MTAP: variants seen among roughly 807,000 people sequenced by gnomAD.
MTAP encodes the protein S-methyl-5'-thioadenosine phosphorylase.
MTAP carries 33 observed loss-of-function variants against 33.6 expected under a neutral mutation model. That is an observed-to-expected ratio of 0.98 (90% CI 0.74 to 1.31). The LOEUF (loss-of-function observed/expected upper bound fraction) is 1.31. MTAP is among the 40% of genes most tolerant of loss of function. MTAP has a pLI of 0.00. For synonymous variants in MTAP, 148 were observed against 125.7 expected (o/e 1.18, Z -1.19); for missense variants, 367 against 360.0 (o/e 1.02, Z -0.16).
chr9:21,874,038 A>T (rs1691170506), intron 1 of MTAP, among the ~76,000 whole-genome samples: 1 of 152,198 alleles, frequency 6.6e-6, no homozygotes, highest in African/African-American at 2.4e-5. Context: ...GAATGTGATG[A>T]TGTGTTCATT....
chr9:21,906,335 T>TG (rs1818476135), intron 1 of MTAP, among the ~76,000 whole-genome samples: 1 of 151,206 alleles, frequency 6.6e-6, no homozygotes, highest in African/African-American at 2.5e-5. Context: ...ATTGAAGACG[T>TG]GAAAAAAAAC....
intron 5 of MTAP, among the ~76,000 whole-genome samples, chr9:21,852,482 C>T (rs569430769): frequency 2.2e-5 from 3 of 139,422 alleles, no homozygotes; most frequent in African/African-American, 5.7e-5. Flanking sequence ...TGCATTCCAG[C>T]GTGGGCGACA....
chr9:21,864,263 GC>G lies in MTAP; in HGVS notation c.*2251del, dbSNP rs1392754531. 2.4e-5 allele frequency: 24 copies of G among 985,136 alleles called. No individual in the cohort carries two copies. Among genetic ancestry groups the G allele is most frequent in the Non-Finnish European group, 2.9e-5 (24 of 829,916 alleles). 61.0% of individuals were successfully genotyped at this position (985,136 alleles called of 1,614,324 possible). A position where few individuals can be genotyped will look rare whatever the true frequency, so the allele number is the denominator to read the frequency against. On this transcript the variant is annotated 3_prime_UTR_variant, in exon 8 of 8. Coordinates refer to ENST00000644715, the MANE Select transcript of MTAP (RefSeq NM_002451.4). ...CTCAATCATTCACTCCTTATGCAAA[GC>G]CAATATAATTTTCCTCATACCTTAT... is the stretch of plus-strand genomic sequence containing the variant.
chr9:21,845,132 T>G (rs1332403168), intron 5 of MTAP, among the ~76,000 whole-genome samples: 1 of 151,838 alleles, frequency 6.6e-6, no homozygotes, highest in Non-Finnish European at 1.5e-5. Context: ...CAAGACAAGA[T>G]TCCCACTTTC....
chr9:21,898,504 A>G (rs1818335664), intron 1 of MTAP, among the ~76,000 whole-genome samples: 1 of 152,250 alleles, frequency 6.6e-6, no homozygotes, highest in African/African-American at 2.4e-5. Context: ...GCTAATATCC[A>G]GAATCTACAA....
At position 21,865,439 on chromosome 9, in the gene MTAP, T is replaced by TA. The variant is rs1825837920; in HGVS notation, c.*3426dup. 2 of 985,262 alleles carry TA rather than the reference T, an allele frequency of 2.0e-6. No individual in the cohort carries two copies. Among genetic ancestry groups the TA allele is most frequent in the South Asian group, 4.7e-5 (1 of 21,294 alleles). 61.0% of individuals were successfully genotyped at this position (985,262 alleles called of 1,614,324 possible). A position where few individuals can be genotyped will look rare whatever the true frequency, so the allele number is the denominator to read the frequency against. ...TTACAGCAGCATGAGAATGGACTAA[T>TA]ACACTCCTCAAATGTTTTGAAGATT... is the stretch of plus-strand genomic sequence containing the variant. On this transcript the variant is annotated 3_prime_UTR_variant, in exon 8 of 8. Transcript: ENST00000644715.
chr9:21,823,134 G>A (rs1824689722), intron 4 of MTAP, among the ~76,000 whole-genome samples: 1 of 152,106 alleles, frequency 6.6e-6, no homozygotes, highest in East Asian at 1.9e-4. Flanking sequence ...TTACATTTAA[G>A]GTTAATATTG....
chr9:21,861,903 G>GGT, intron 7 of MTAP, 73 bp from the exon 8 acceptor site: 1 of 748,246 alleles, frequency 1.3e-6, no homozygotes, highest in South Asian at 1.8e-5. Context: ...ATCAAAATCT[G>GGT]TTTTTTTTTT....
At chr9:21,933,532 A>G (rs529342087), downstream of MTAP, 1 of 152,090 alleles carries the variant, frequency 6.6e-6, no homozygotes, top group Non-Finnish European at 1.5e-5. Context: ...TGCAAATGCC[A>G]GGGAGATTAC....
intron 1 of MTAP, among the ~76,000 whole-genome samples, chr9:21,882,093 C>T (rs914699277): frequency 9.2e-5 from 14 of 151,700 alleles, no homozygotes; most frequent in Non-Finnish European, 1.6e-4. Context: ...AAATGTAGTA[C>T]AAAATAAAAT....
intron 6 of MTAP, 107 bp downstream of exon 6, chr9:21,854,977 C>G: frequency 4.2e-6 from 6 of 1,438,628 alleles, no homozygotes; most frequent in Non-Finnish European, 5.6e-6. Flanking sequence ...TGCCTTTCTA[C>G]AAGGTTTTGA....
At chr9:21,937,646 C>A (rs1488481519) in exon 8 of MTAP, 1 of 152,102 alleles carries the variant, frequency 6.6e-6, no homozygotes, top group Non-Finnish European at 1.5e-5. Flanking sequence ...TCTCTATTTG[C>A]CTTTGAAACC....
At chr9:21,808,094 A>G (rs1824252886) in intron 1 of MTAP, among the ~76,000 whole-genome samples, 1 of 152,264 alleles carries the variant, frequency 6.6e-6, no homozygotes, top group Admixed American at 6.5e-5. Flanking sequence ...CCAGTGAATC[A>G]GAAACTCTGG....
At chr9:21,846,411 C>G (rs1825382856) in intron 5 of MTAP, among the ~76,000 whole-genome samples, 1 of 139,830 alleles carries the variant, frequency 7.2e-6, no homozygotes, top group South Asian at 2.2e-4. Context: ...TGAAACAAAT[C>G]AGCAAGAAAA....
Position 21,838,837 on chromosome 9 carries a change from G to A in MTAP, c.450+827G>A, listed in dbSNP as rs142916108. Among the ~76,000 whole-genome samples, 117 of 152,342 alleles carry A rather than the reference G, an allele frequency of 7.7e-4. 1 individual carries two copies. The East Asian group carries it at 0.021, about 27-fold the overall frequency. On this transcript the variant is annotated intron_variant, in intron 5 of 7. Coordinates refer to ENST00000644715, the MANE Select transcript of MTAP (RefSeq NM_002451.4). ...TGCAACTCAAAAGATCAGAAGTATC[G>A]TTAGAGATTAACTGCTTCATAAAAT...
At chr9:21,896,124 A>G (rs1181980933) in intron 1 of MTAP, among the ~76,000 whole-genome samples, 1 of 152,234 alleles carries the variant, frequency 6.6e-6, no homozygotes. Context: ...AAACTGCTCA[A>G]CTACATGGAA....
intron 4 of MTAP, among the ~76,000 whole-genome samples, 191 bp downstream of exon 4, chr9:21,818,393 A>G (rs1462052655): frequency 7.3e-6 from 1 of 136,284 alleles, no homozygotes; most frequent in Non-Finnish European, 1.5e-5. Flanking sequence ...AGTGGCATGA[A>G]CTCAGCTCAC....
rs917403648 is a variant in MTAP at position 21,864,520 on chromosome 9, T to G, written c.*2506T>G. 12 of 985,308 alleles carry G rather than the reference T, an allele frequency of 1.2e-5. No homozygotes were observed. The highest frequency in any genetic ancestry group is 1.2e-4 in the Admixed American group (2 of 16,272). 61.0% of individuals were successfully genotyped at this position (985,308 alleles called of 1,614,324 possible). A position where few individuals can be genotyped will look rare whatever the true frequency, so the allele number is the denominator to read the frequency against. ...TGTACATAGAAGTCTTTGTTGGCCT[T>G]ATAATCTGCTGTTATATTTGGCATG... On this transcript the variant is annotated 3_prime_UTR_variant, in exon 8 of 8. Transcript: ENST00000644715.
downstream of MTAP, chr9:21,940,848 G>T (rs1393530331): frequency 5.1e-6 from 1 of 196,162 alleles, no homozygotes; most frequent in Non-Finnish European, 9.2e-6. Flanking sequence ...TTATTACATA[G>T]GTATGATTAG....
Sources: allele counts gnomAD v4.1 joint callset (sites outside exome capture counted in the v4.1 genomes callset), GRCh38; gene constraint gnomAD v4.1.1; transcripts MANE v1.5; gene names NCBI Gene and HGNC (gene_info 2026-07-23, HGNC 2026-07-21).